Variants in CSMD3 observed in about 807,000 individuals in gnomAD.
The protein encoded by CSMD3 is CUB and sushi domain-containing protein 3.
In CSMD3, 177 loss-of-function variants were observed where a neutral mutation model predicts 435.2. The observed-to-expected ratio is 0.41, with a 90% CI of 0.36 to 0.46. The LOEUF (loss-of-function observed/expected upper bound fraction) is 0.46. Among genes scored for constraint, CSMD3 ranks in the 20% least tolerant of loss-of-function variants. CSMD3 has a pLI of 0.34. For missense variants in CSMD3, 4,265 were observed against 4,504.6 expected (o/e 0.95, Z 1.52); for synonymous variants, 1,656 against 1,520.5 (o/e 1.09, Z -2.07).
intron 27 of CSMD3, among the ~76,000 whole-genome samples, chr8:112,539,703 A>C (rs1308079001): frequency 6.6e-6 from 1 of 152,136 alleles, no homozygotes; most frequent in Non-Finnish European, 1.5e-5. Context: ...ATCCATACGT[A>C]GAAGAATAAA....
chr8:112,422,853 T>C (rs1311140787), intron 32 of CSMD3, among the ~76,000 whole-genome samples: 1 of 152,170 alleles, frequency 6.6e-6, no homozygotes, highest in East Asian at 1.9e-4. Flanking sequence ...GTAACCTTAA[T>C]AGAAACAAAT....
Position 113,016,999 on chromosome 8 carries a change from A to G in CSMD3, c.1030+2068T>C, listed in dbSNP as rs148004151. Among the ~76,000 whole-genome samples the G allele has an allele frequency of 3.3e-5, 5 of 152,128 alleles. No individual in the cohort carries two copies. The East Asian group carries it at 9.7e-4, about 29-fold the overall frequency. ...CCTAAATTAGGAAAGTTTTAAAAGA[A>G]TAATATGCAAAGGCATATTTTTATA... On this transcript the variant is annotated intron_variant, in intron 6 of 70. Transcript: ENST00000297405.
chr8:113,400,149 T>A (rs1588664149), intron 1 of CSMD3, among the ~76,000 whole-genome samples: 1 of 152,080 alleles, frequency 6.6e-6, no homozygotes, highest in East Asian at 1.9e-4. Flanking sequence ...ATAAATTGCA[T>A]AAAAAGTAAA....
At chr8:112,470,806 A>G (rs972223875) in intron 32 of CSMD3, among the ~76,000 whole-genome samples, 1 of 152,128 alleles carries the variant, frequency 6.6e-6, no homozygotes, top group Non-Finnish European at 1.5e-5. Flanking sequence ...TTAAATATAT[A>G]TGTAACTTAA....
chr8:112,607,175 A>T (rs1375565784), intron 22 of CSMD3, among the ~76,000 whole-genome samples: 1 of 151,812 alleles, frequency 6.6e-6, no homozygotes, highest in East Asian at 1.9e-4. Flanking sequence ...AAATAAAATT[A>T]TAAATGAATC....
intron 14 of CSMD3, among the ~76,000 whole-genome samples, chr8:112,685,935 C>A (rs2076001223): frequency 6.6e-6 from 1 of 151,238 alleles, no homozygotes; most frequent in Non-Finnish European, 1.5e-5. Flanking sequence ...TAAGGCTCTA[C>A]CCTTAAATAA....
At chr8:112,858,935 T>C (rs930572636) in intron 11 of CSMD3, among the ~76,000 whole-genome samples, 4 of 151,916 alleles carry the variant, frequency 2.6e-5, no homozygotes. Flanking sequence ...TTTTGGTTTA[T>C]ATGTTAGTAG....
At chr8:113,377,037 G>A (rs949113415) in intron 1 of CSMD3, 54 of 1,155,068 alleles carry the variant, frequency 4.7e-5, no homozygotes, top group Admixed American at 1.2e-4. Context: ...GTGGGGGTGG[G>A]GCGGAGCGGA....
chr8:112,812,850 G>T (rs901008047), intron 12 of CSMD3, among the ~76,000 whole-genome samples: 3 of 151,986 alleles, frequency 2.0e-5, no homozygotes, highest in Non-Finnish European at 4.4e-5. Context: ...GTCCTAAATA[G>T]GTGCGCTCAA....
At chr8:112,633,088 G>T (rs920294086) in intron 22 of CSMD3, among the ~76,000 whole-genome samples, 1 of 151,990 alleles carries the variant, frequency 6.6e-6, no homozygotes, top group Non-Finnish European at 1.5e-5. Flanking sequence ...TGTATTGAGT[G>T]CTTATCTACT....
At chr8:112,998,328 T>A (rs894668603) in intron 6 of CSMD3, among the ~76,000 whole-genome samples, 4 of 151,964 alleles carry the variant, frequency 2.6e-5, no homozygotes, top group Admixed American at 6.6e-5. Context: ...ATAAATCACA[T>A]CCCAGGACAC....
chr8:113,308,540 T>G (rs1175030421), intron 2 of CSMD3, among the ~76,000 whole-genome samples: 4 of 152,152 alleles, frequency 2.6e-5, no homozygotes, highest in Admixed American at 2.6e-4. Context: ...AGTGCTGGCA[T>G]TACAGGCGTG....
At chr8:112,970,725 CTTT>C (rs761315288) in intron 7 of CSMD3, among the ~76,000 whole-genome samples, 1 of 138,656 alleles carries the variant, frequency 7.2e-6, no homozygotes, top group Admixed American at 7.3e-5. Context: ...GCTTTCTTTT[CTTT>C]TTTTTTTTTT....
chr8:112,997,347 C>T (rs1182620127), intron 6 of CSMD3, among the ~76,000 whole-genome samples: 2 of 151,622 alleles, frequency 1.3e-5, no homozygotes, highest in African/African-American at 2.4e-5. Context: ...TGTCTTACCA[C>T]ATTTTAAAGT....
chr8:112,479,105 C>A (rs924729969), intron 31 of CSMD3, among the ~76,000 whole-genome samples: 4 of 152,228 alleles, frequency 2.6e-5, no homozygotes, highest in Admixed American at 6.5e-5. Flanking sequence ...GAACTACCAA[C>A]TGCGAGTACA....
intron 6 of CSMD3, among the ~76,000 whole-genome samples, chr8:112,986,937 A>G (rs1317376483): frequency 1.3e-5 from 2 of 152,044 alleles, no homozygotes; most frequent in African/African-American, 4.8e-5. Context: ...ATAAATATAG[A>G]TAGTTTCTAT....
intron 41 of CSMD3, among the ~76,000 whole-genome samples, chr8:112,341,945 AT>A (rs755775948): frequency 2.6e-4 from 40 of 152,254 alleles, no homozygotes; most frequent in Non-Finnish European, 4.9e-4. Context: ...ATGTCACTGT[AT>A]GAAAAATGAT....
chr8:112,634,739 C>T (rs1038112244), intron 22 of CSMD3, among the ~76,000 whole-genome samples: 18 of 151,746 alleles, frequency 1.2e-4, no homozygotes, highest in African/African-American at 4.4e-4. Context: ...TTTAAATGTA[C>T]ATGTAAACAC....
intron 4 of CSMD3, among the ~76,000 whole-genome samples, chr8:113,119,620 C>A (rs2090929360): frequency 6.6e-6 from 1 of 152,100 alleles, no homozygotes; most frequent in African/African-American, 2.4e-5. Context: ...TCTAGAAAGT[C>A]CTTCCTGACT....
Sources: gnomAD v4.1 joint callset for allele counts (sites outside exome capture counted in the v4.1 genomes callset) on GRCh38, gnomAD v4.1.1 for gene constraint, MANE v1.5 for transcripts, NCBI Gene and HGNC (gene_info 2026-07-23, HGNC 2026-07-21) for gene names.